Variants in SHTN1 observed in about 807,000 individuals in gnomAD.
The protein encoded by SHTN1 is shootin-1.
SHTN1 carries 42 observed loss-of-function variants against 83.1 expected under a neutral mutation model. That is an observed-to-expected ratio of 0.51 (90% CI 0.39 to 0.65). The LOEUF (loss-of-function observed/expected upper bound fraction) is 0.65. Ranked by LOEUF, SHTN1 falls within the 30% of genes least tolerant of loss-of-function variation. The pLI is 0.00. For synonymous variants in SHTN1, 224 were observed against 247.7 expected (o/e 0.90, Z 0.90); for missense variants, 622 against 737.8 (o/e 0.84, Z 1.82).
At chr10:117,059,520 C>A (rs1267427414) in intron 1 of SHTN1, among the ~76,000 whole-genome samples, 3 of 152,120 alleles carry the variant, frequency 2.0e-5, no homozygotes, top group Non-Finnish European at 4.4e-5. Context: ...TATATACATA[C>A]CATGGAATAA....
chr10:117,044,247 A>C (rs1294898159), intron 2 of SHTN1, among the ~76,000 whole-genome samples: 3 of 150,898 alleles, frequency 2.0e-5, no homozygotes, highest in African/African-American at 7.3e-5. Flanking sequence ...ATATTTTTAT[A>C]AATATGGCTC....
chr10:117,002,683 A>C (rs1261135144), intron 1 of SHTN1, among the ~76,000 whole-genome samples: 2 of 152,300 alleles, frequency 1.3e-5, no homozygotes, highest in East Asian at 3.9e-4. Context: ...GTAACTGAAC[A>C]CTTTTGAAGT....
At chr10:117,106,411 C>G (rs939695839) in intron 1 of SHTN1, among the ~76,000 whole-genome samples, 1 of 152,060 alleles carries the variant, frequency 6.6e-6, no homozygotes, top group African/African-American at 2.4e-5. Flanking sequence ...GCCGTGATTG[C>G]GCCACTGCAC....
At chr10:116,896,276 G>A (rs1847516520) in intron 16 of SHTN1, among the ~76,000 whole-genome samples, 1 of 152,106 alleles carries the variant, frequency 6.6e-6, no homozygotes, top group Non-Finnish European at 1.5e-5. Context: ...GATTAAAATG[G>A]AAGGCAATTT....
chr10:116,978,972 G>A (rs768004764), intron 2 of SHTN1, among the ~76,000 whole-genome samples: 23 of 152,174 alleles, frequency 1.5e-4, no homozygotes, highest in Non-Finnish European at 2.4e-4. Flanking sequence ...GAAAAAGTAC[G>A]ATTCCTGGGG....
chr10:116,930,885 C>T (rs1848935982), intron 9 of SHTN1, among the ~76,000 whole-genome samples: 1 of 152,164 alleles, frequency 6.6e-6, no homozygotes, highest in East Asian at 1.9e-4. Flanking sequence ...ACCTTGCCAA[C>T]ATCTGCTATT....
chr10:116,963,971 C>CG (rs1554920656), intron 3 of SHTN1, among the ~76,000 whole-genome samples: 13 of 72,434 alleles, frequency 1.8e-4, no homozygotes, highest in Non-Finnish European at 3.5e-4. Flanking sequence ...TGTAGGGTAA[C>CG]TGTTTTTTTT....
rs201012272 is a variant in SHTN1 at position 117,117,528 on chromosome 10, T to C, written c.-189+8779A>G. The stretch of plus-strand genomic sequence containing the variant: ...ATACCAATGACATTCTTCACAGACA[T>C]AGAAAACAAAAATGCTAAAACTTAT... On this transcript the variant is annotated intron_variant, in intron 1 of 17. Transcript: ENST00000392901. Among the ~76,000 whole-genome samples, 23 of 152,128 alleles carry C rather than the reference T, an allele frequency of 1.5e-4. 1 individual carries two copies. In the East Asian group the frequency reaches 4.4e-3, roughly 29 times the overall value.
intron 1 of SHTN1, among the ~76,000 whole-genome samples, chr10:116,999,587 C>G (rs1037865530): frequency 3.0e-4 from 45 of 152,164 alleles, no homozygotes; most frequent in African/African-American, 1.1e-3. Context: ...CACTTGTTTT[C>G]TATGAGCATG....
At chr10:117,044,370 A>T (rs952760501) in intron 2 of SHTN1, among the ~76,000 whole-genome samples, 1 of 152,162 alleles carries the variant, frequency 6.6e-6, no homozygotes, top group Non-Finnish European at 1.5e-5. Context: ...AACTATATGT[A>T]TGTACATTAC....
intron 1 of SHTN1, among the ~76,000 whole-genome samples, chr10:116,984,556 A>G (rs562857587): frequency 6.6e-6 from 1 of 152,216 alleles, no homozygotes; most frequent in East Asian, 1.9e-4. Flanking sequence ...CTAGTCCTCA[A>G]GCTACTACCT....
At chr10:117,106,643 A>C (rs1853675028) in intron 1 of SHTN1, among the ~76,000 whole-genome samples, 1 of 152,170 alleles carries the variant, frequency 6.6e-6, no homozygotes, top group Non-Finnish European at 1.5e-5. Flanking sequence ...TATAGGATGC[A>C]GTTTAAGCTC....
At chr10:116,985,168 C>A (rs1207518515) in intron 1 of SHTN1, among the ~76,000 whole-genome samples, 1 of 152,200 alleles carries the variant, frequency 6.6e-6, no homozygotes, top group African/African-American at 2.4e-5. Flanking sequence ...ATTCTTCCTA[C>A]CCGATTCACT....
At chr10:116,925,372 C>T (rs1848710480) in intron 11 of SHTN1, among the ~76,000 whole-genome samples, 1 of 152,118 alleles carries the variant, frequency 6.6e-6, no homozygotes, top group Admixed American at 6.5e-5. Context: ...TTCTTGCTTT[C>T]GAACTTGAAC....
At chr10:116,962,372 G>C (rs1163310615) in intron 3 of SHTN1, among the ~76,000 whole-genome samples, 1 of 151,882 alleles carries the variant, frequency 6.6e-6, no homozygotes, top group Non-Finnish European at 1.5e-5. Flanking sequence ...ATGTTTACAA[G>C]GTAGGTTCTT....
At chr10:117,097,078 C>A (rs1351799613) in intron 1 of SHTN1, among the ~76,000 whole-genome samples, 1 of 149,870 alleles carries the variant, frequency 6.7e-6, no homozygotes, top group Non-Finnish European at 1.5e-5. Flanking sequence ...AAAAAGGAAG[C>A]CCTAGAGTAG....
chr10:117,078,119 G>C (rs1853188899), intron 1 of SHTN1, among the ~76,000 whole-genome samples: 2 of 152,162 alleles, frequency 1.3e-5, no homozygotes, highest in Admixed American at 6.5e-5. Context: ...ATTATGCCCA[G>C]ATCAGCTGCA....
chr10:117,025,015 T>C (rs934302244), intron 2 of SHTN1, among the ~76,000 whole-genome samples: 1 of 152,186 alleles, frequency 6.6e-6, no homozygotes, highest in Non-Finnish European at 1.5e-5. Context: ...TGGAGCAAGA[T>C]GGCAGAAGAG....
intron 1 of SHTN1, chr10:117,048,521 T>C: frequency 1.0e-6 from 1 of 976,748 alleles, no homozygotes; most frequent in Non-Finnish European, 1.2e-6. Context: ...CTGAAAAGGA[T>C]TAAACACTTA....
Sources: gnomAD v4.1 joint callset for allele counts (sites outside exome capture counted in the v4.1 genomes callset) on GRCh38, gnomAD v4.1.1 for gene constraint, MANE v1.5 for transcripts, NCBI Gene and HGNC (gene_info 2026-07-23, HGNC 2026-07-21) for gene names.